Variants in LHFPL2 observed in about 807,000 individuals in gnomAD.
The protein encoded by LHFPL2 is LHFPL tetraspan subfamily member 2.
In LHFPL2, 7 loss-of-function variants were observed where a neutral mutation model predicts 17.5. That is an observed-to-expected ratio of 0.40 (90% CI 0.23 to 0.75). LHFPL2 has a LOEUF of 0.75. Ranked by LOEUF, LHFPL2 falls within the 30% of genes least tolerant of loss-of-function variation. The pLI is 0.37. For missense variants in LHFPL2, 241 were observed against 294.8 expected, an observed-to-expected ratio of 0.82 and a Z score of 1.34; for synonymous variants, 134 against 116.2, an observed-to-expected ratio of 1.15 and a Z score of -0.99.
chr5:78,546,176 T>C (rs1421539690), intron 3 of LHFPL2, among the ~76,000 whole-genome samples: 2 of 152,222 alleles, frequency 1.3e-5, no homozygotes, highest in African/African-American at 2.4e-5. Flanking sequence ...GTTAAGATTA[T>C]ACTGCTGGCT....
At chr5:78,587,534 T>G (rs924513148) in intron 2 of LHFPL2, among the ~76,000 whole-genome samples, 1 of 152,218 alleles carries the variant, frequency 6.6e-6, no homozygotes, top group Non-Finnish European at 1.5e-5. Flanking sequence ...TGTAAGCCAT[T>G]ATGGATAACT....
chr5:78,646,241 A>C (rs1188757029), intron 1 of LHFPL2, among the ~76,000 whole-genome samples: 1 of 152,222 alleles, frequency 6.6e-6, no homozygotes, highest in Non-Finnish European at 1.5e-5. Context: ...TGCAAGTTCC[A>C]GAAAGATCAG....
At chr5:78,492,967 C>T (rs907701116) in intron 4 of LHFPL2, among the ~76,000 whole-genome samples, 8 of 152,128 alleles carry the variant, frequency 5.3e-5, no homozygotes, top group African/African-American at 1.9e-4. Context: ...GTGCCCATCA[C>T]AGTTATCATT....
intron 2 of LHFPL2, among the ~76,000 whole-genome samples, chr5:78,622,051 A>G (rs1252383584): frequency 1.3e-5 from 2 of 152,148 alleles, no homozygotes; most frequent in African/African-American, 4.8e-5. Flanking sequence ...ATCTCAAAAT[A>G]CACACTCTAG....
chr5:78,646,762 G>A (rs1228711014), intron 1 of LHFPL2, among the ~76,000 whole-genome samples: 2 of 151,940 alleles, frequency 1.3e-5, no homozygotes, highest in Admixed American at 6.5e-5. Flanking sequence ...CCATGCATAC[G>A]GTGAACAGCA....
At chr5:78,584,395 T>C (rs1743285529) in intron 2 of LHFPL2, among the ~76,000 whole-genome samples, 1 of 152,216 alleles carries the variant, frequency 6.6e-6, no homozygotes, top group South Asian at 2.1e-4. Flanking sequence ...TGCTCTGTTT[T>C]TTCCCCATCT....
At chr5:78,609,825 A>C (rs1479179292) in intron 2 of LHFPL2, among the ~76,000 whole-genome samples, 1 of 150,222 alleles carries the variant, frequency 6.7e-6, no homozygotes, top group Non-Finnish European at 1.5e-5. Context: ...TTTGAAAGAA[A>C]AAAAGTCATT....
At chr5:78,642,699 T>A (rs1391526737) in intron 1 of LHFPL2, among the ~76,000 whole-genome samples, 1 of 152,158 alleles carries the variant, frequency 6.6e-6, no homozygotes, top group Non-Finnish European at 1.5e-5. Flanking sequence ...TGCCTCTAAA[T>A]CCCACTTTTT....
intron 3 of LHFPL2, among the ~76,000 whole-genome samples, chr5:78,531,004 T>C (rs1284026991): frequency 2.0e-5 from 3 of 152,208 alleles, no homozygotes; most frequent in African/African-American, 7.2e-5. Context: ...ACAGAACCTA[T>C]GGCCAGGCCT....
chr5:78,645,628 A>G (rs114107202), intron 1 of LHFPL2, among the ~76,000 whole-genome samples: 2,354 of 151,112 alleles, frequency 0.016, 62 homozygotes, highest in African/African-American at 0.054. Context: ...TGTCACCCAG[A>G]CTGGAGTGCA....
At chr5:78,616,452 C>T (rs953489735) in intron 2 of LHFPL2, among the ~76,000 whole-genome samples, 1 of 152,084 alleles carries the variant, frequency 6.6e-6, no homozygotes, top group South Asian at 2.1e-4. Context: ...TTCTTGACCA[C>T]CCCGACTATG....
chr5:78,581,719 A>C (rs1430707909), intron 2 of LHFPL2, among the ~76,000 whole-genome samples: 1 of 152,198 alleles, frequency 6.6e-6, no homozygotes, highest in Non-Finnish European at 1.5e-5. Context: ...TTTTTGCATC[A>C]ATGTTCATCA....
intron 2 of LHFPL2, among the ~76,000 whole-genome samples, chr5:78,592,665 T>A (rs1384383071): frequency 3.2e-5 from 2 of 61,744 alleles, no homozygotes; most frequent in African/African-American, 5.7e-5. Context: ...AGTGAAAAAT[T>A]CAGATACACA....
At chr5:78,646,718 C>T (rs1745893413) in intron 1 of LHFPL2, among the ~76,000 whole-genome samples, 1 of 152,062 alleles carries the variant, frequency 6.6e-6, no homozygotes, top group South Asian at 2.1e-4. Flanking sequence ...ACTTTTCCTC[C>T]CTGCCCAAAC....
chr5:78,557,122 G>A (rs1756592411), intron 3 of LHFPL2, among the ~76,000 whole-genome samples: 1 of 152,184 alleles, frequency 6.6e-6, no homozygotes, highest in South Asian at 2.1e-4. Context: ...AAGGTCACCA[G>A]AGAAGACTGA....
chr5:78,519,952 A>G (rs184828166), intron 3 of LHFPL2, among the ~76,000 whole-genome samples: 13 of 152,204 alleles, frequency 8.5e-5, no homozygotes, highest in Admixed American at 2.6e-4. Context: ...GAACTGCTTC[A>G]ATGCTATAAA....
intron 2 of LHFPL2, among the ~76,000 whole-genome samples, chr5:78,615,539 T>C (rs1204102611): frequency 1.3e-5 from 2 of 152,252 alleles, no homozygotes; most frequent in African/African-American, 2.4e-5. Flanking sequence ...GCATTCTTCA[T>C]CTGCTCTTTC....
At chr5:78,506,529 G>A (rs574152913) in intron 4 of LHFPL2, among the ~76,000 whole-genome samples, 1 of 152,324 alleles carries the variant, frequency 6.6e-6, no homozygotes, top group East Asian at 1.9e-4. Flanking sequence ...GCTGACCAGA[G>A]GCTATCACAG....
chr5:78,489,876 A>ATGTT (rs1484335775), intron 4 of LHFPL2, among the ~76,000 whole-genome samples: 3 of 147,872 alleles, frequency 2.0e-5, no homozygotes, highest in African/African-American at 7.6e-5. Flanking sequence ...TTACTCTAAA[A>ATGTT]TGTTTACTGT....
Sources: gnomAD v4.1 joint callset for allele counts (sites outside exome capture counted in the v4.1 genomes callset) on GRCh38, gnomAD v4.1.1 for gene constraint, MANE v1.5 for transcripts, NCBI Gene and HGNC (gene_info 2026-07-23, HGNC 2026-07-21) for gene names.